The following CAT variants were observed in gnomAD, a reference collection of about 807,000 sequenced individuals.
CAT encodes catalase.
In CAT, 43 loss-of-function variants were observed where a neutral mutation model predicts 59.0. The observed-to-expected ratio is 0.73, with a 90% CI of 0.57 to 0.94. The LOEUF is 0.94. Among genes scored for constraint, CAT ranks in the 40% least tolerant of loss-of-function variants. The pLI is 0.00. For missense variants in CAT, 664 were observed against 682.9 expected, an observed-to-expected ratio of 0.97 and a Z score of 0.31; for synonymous variants, 218 against 230.9, an observed-to-expected ratio of 0.94 and a Z score of 0.51.
At chr11:34,439,960 G>A (rs1020460114) in intron 1 of CAT, among the ~76,000 whole-genome samples, 2 of 152,190 alleles carry the variant, frequency 1.3e-5, no homozygotes, top group African/African-American at 2.4e-5. Context: ...CTTGGTGGTG[G>A]GGGAGGCATT....
rs141042154 is a variant in CAT, at chr11:34,444,490, G to A, written c.67-4702G>A. 3.3e-5 allele frequency among the ~76,000 whole-genome samples: 5 copies of A among 152,248 alleles called. No individual in the cohort carries two copies. In the East Asian group the frequency reaches 9.7e-4, roughly 29 times the overall value. Reference sequence around the variant, plus strand: ...AAATTTGAAGGTCAGGACAGTCTTTGGTTTCCTGTACGTGGGTGTATACGT... The same window carrying A: ...AAATTTGAAGGTCAGGACAGTCTTTAGTTTCCTGTACGTGGGTGTATACGT... On this transcript the variant is annotated intron_variant, in intron 1 of 12. Coordinates refer to ENST00000241052, the MANE Select transcript of CAT (RefSeq NM_001752.4).
rs373984976 is a variant in CAT at position 34,456,190 on chromosome 11, C to A, written c.891C>A (p.Phe297Leu). The A allele has an allele frequency of 1.9e-6, 3 of 1,613,060 alleles. No individual in the cohort carries two copies. The highest frequency in any genetic ancestry group is 1.7e-4 in the Middle Eastern group (1 of 6,060). The part of the protein sequence containing the change: ...NQAETFPFNP[F>L]DLTKVWPHKD... ...CAGAAACTTTTCCATTTAATCCATTCGATCTCACCAAGGTGAGTCAGTAAA... is the reference window on the plus strand; with the variant it reads ...CAGAAACTTTTCCATTTAATCCATTAGATCTCACCAAGGTGAGTCAGTAAA... Residue 297 changes from phenylalanine (F) to leucine (L), a missense_variant, in exon 7 of 13, where the codon TTC (phenylalanine) becomes TTA (leucine). Phe to Leu is a conservative substitution (Grantham distance 22, BLOSUM62 0). Transcript: ENST00000241052.
intron 8 of CAT, chr11:34,460,973 C>G: frequency 4.2e-6 from 2 of 472,774 alleles, no homozygotes; most frequent in Non-Finnish European, 7.7e-6. Flanking sequence ...AAGACACTAA[C>G]TTGTTATGCA....
At chr11:34,463,959 T>C (rs1856682531) in intron 9 of CAT, 146 bp from the exon 10 acceptor site, 1 of 846,840 alleles carries the variant, frequency 1.2e-6, no homozygotes, top group African/African-American at 1.7e-5. Context: ...AAATTAAAAA[T>C]AATATGTGTG....
chr11:34,439,136 G>T, intron 1 of CAT, 57 bp downstream of exon 1: 3 of 1,468,310 alleles, frequency 2.0e-6, no homozygotes, highest in Non-Finnish European at 2.8e-6. Flanking sequence ...CGGGGGCGTC[G>T]GCAAGTAAAG....
chr11:34,441,130 C>T (rs771027064), intron 1 of CAT, among the ~76,000 whole-genome samples: 1 of 152,122 alleles, frequency 6.6e-6, no homozygotes, highest in South Asian at 2.1e-4. Context: ...TAGTAAAAAC[C>T]GCTTACTTCT....
chr11:34,465,129 C>T (rs1470739403), intron 10 of CAT, among the ~76,000 whole-genome samples: 1 of 152,184 alleles, frequency 6.6e-6, no homozygotes. Flanking sequence ...TTATACCACA[C>T]ACAATAAAAT....
At chr11:34,449,535 C>A (rs1408730648) in intron 2 of CAT, among the ~76,000 whole-genome samples, 172 bp downstream of exon 2, 1 of 152,194 alleles carries the variant, frequency 6.6e-6, no homozygotes, top group East Asian at 1.9e-4. Flanking sequence ...GTTATTTCCT[C>A]AGGTTAAACA....
chr11:34,457,053 G>C, intron 8 of CAT: 1 of 534,574 alleles, frequency 1.9e-6, no homozygotes, highest in Admixed American at 3.3e-5. Context: ...CATATGTGAA[G>C]ACAAGAATAC....
Position 34,468,309 on chromosome 11 carries a change from G to A in CAT, c.1348G>A (p.Val450Met), listed in dbSNP as rs746357360. Reference protein sequence around the residue: ...VTQVRAFYVNVLNEEQRKRLC... With the variant: ...VTQVRAFYVNMLNEEQRKRLC... ...GCAGGTGCGGGCATTCTATGTGAAC[G>A]TGCTGAATGAGGAACAGAGGAAACG... Residue 450 changes from valine (V) to methionine (M), a missense_variant, in exon 11 of 13, where the codon GTG becomes ATG. Val to Met is a conservative substitution (Grantham distance 21). Coordinates refer to ENST00000241052, the MANE Select transcript of CAT (RefSeq NM_001752.4). 15 of 1,613,766 alleles carry A rather than the reference G, an allele frequency of 9.3e-6. No homozygotes were observed. Among genetic ancestry groups the A allele is most frequent in the Non-Finnish European group, 1.2e-5 (14 of 1,179,874 alleles).
At position 34,470,497 on chromosome 11, in the gene CAT, G is replaced by A. The variant is rs17883434; in HGVS notation, c.1435-461G>A. On this transcript the variant is annotated intron_variant, in intron 11 of 12. Coordinates refer to ENST00000241052, the MANE Select transcript of CAT (RefSeq NM_001752.4). The stretch of plus-strand genomic sequence containing the variant: ...CCCCTCTCCCATCCCTGGAGGTTTG[G>A]GGGTGGGGCTAGAAGTTCTAACCTT... Among the ~76,000 whole-genome samples the A allele has an allele frequency of 4.5e-3, 679 of 152,262 alleles. 3 individuals are homozygous for A. Among genetic ancestry groups the A allele is most frequent in the Admixed American group, 8.0e-3 (122 of 15,300 alleles).
chr11:34,462,390 A>G (rs982709209), intron 9 of CAT, among the ~76,000 whole-genome samples: 4 of 152,186 alleles, frequency 2.6e-5, no homozygotes, highest in Admixed American at 6.5e-5. Flanking sequence ...CCCAACACCC[A>G]AAGGTCATAG....
At chr11:34,448,705 A>G (rs1196344661) in intron 1 of CAT, among the ~76,000 whole-genome samples, 1 of 151,970 alleles carries the variant, frequency 6.6e-6, no homozygotes. Flanking sequence ...GCTGGTGTAC[A>G]TTTCTTGAGA....
At chr11:34,439,714 G>A (rs1856363897) in intron 1 of CAT, among the ~76,000 whole-genome samples, 1 of 152,214 alleles carries the variant, frequency 6.6e-6, no homozygotes, top group African/African-American at 2.4e-5. Flanking sequence ...TTGAGCACCT[G>A]TAGGTGCTAG....
intron 1 of CAT, among the ~76,000 whole-genome samples, chr11:34,441,814 GC>G (rs17884335): frequency 0.12 from 17,619 of 152,124 alleles, 2,040 homozygotes; most frequent in African/African-American, 0.3. Context: ...AATAAATAAA[GC>G]TGCTATAAAA....
intron 1 of CAT, among the ~76,000 whole-genome samples, chr11:34,442,404 C>G (rs1358021545): frequency 6.6e-6 from 1 of 152,140 alleles, no homozygotes; most frequent in East Asian, 1.9e-4. Flanking sequence ...GAGTTCAAAA[C>G]TAGCCTGACC....
chr11:34,471,462 G>A lies in CAT; in HGVS notation c.*29G>A, dbSNP rs1049231099. 5 of 1,599,152 alleles carry A rather than the reference G, an allele frequency of 3.1e-6. No homozygotes were observed. The highest frequency in any genetic ancestry group is 4.3e-6 in the Non-Finnish European group (5 of 1,166,356). ...CGGGGCCCTGCACCTGTGCAGCGAAGCTTAGCGTTCATCCGTGTAACCCGC... is the reference window on the plus strand; with the variant it reads ...CGGGGCCCTGCACCTGTGCAGCGAAACTTAGCGTTCATCCGTGTAACCCGC... On this transcript the variant is annotated 3_prime_UTR_variant, in exon 13 of 13. Coordinates refer to ENST00000241052, the MANE Select transcript of CAT (RefSeq NM_001752.4).
chr11:34,447,900 G>T (rs1220415017), intron 1 of CAT, among the ~76,000 whole-genome samples: 1 of 152,224 alleles, frequency 6.6e-6, no homozygotes, highest in Non-Finnish European at 1.5e-5. Context: ...AGAACTGGAA[G>T]TTGGACCCAG....
At chr11:34,446,280 C>T (rs533825799) in intron 1 of CAT, among the ~76,000 whole-genome samples, 2 of 152,272 alleles carry the variant, frequency 1.3e-5, no homozygotes, top group African/African-American at 4.8e-5. Context: ...GTGGGGAAAG[C>T]TGTTATATAA....
Sources: gnomAD v4.1 joint callset for allele counts (sites outside exome capture counted in the v4.1 genomes callset) on GRCh38, gnomAD v4.1.1 for gene constraint, MANE v1.5 for transcripts, NCBI Gene and HGNC (gene_info 2026-07-23, HGNC 2026-07-21) for gene names.